USO1: variants seen among roughly 807,000 people sequenced by gnomAD.
The protein encoded by USO1 is general vesicular transport factor p115.
USO1 carries 57 observed loss-of-function variants against 124.5 expected under a neutral mutation model. That is an observed-to-expected ratio of 0.46 (90% CI 0.37 to 0.57). The LOEUF (loss-of-function observed/expected upper bound fraction) is 0.57, where lower values mean the gene tolerates loss of function less well. Among genes scored for constraint, USO1 ranks in the 20% least tolerant of loss-of-function variants. The pLI is 0.00. For synonymous variants in USO1, 369 were observed against 362.8 expected (o/e 1.02, Z -0.19); for missense variants, 900 against 1,040.6 (o/e 0.86, Z 1.86).
chr4:75,740,160 C>T (rs1306687548), intron 1 of USO1, among the ~76,000 whole-genome samples: 1 of 152,066 alleles, frequency 6.6e-6, no homozygotes, highest in East Asian at 1.9e-4. Flanking sequence ...ATAGTGACAC[C>T]TCATCTCTAA....
intron 8 of USO1, among the ~76,000 whole-genome samples, chr4:75,778,836 A>G (rs1722141869): frequency 3.9e-5 from 6 of 152,206 alleles, no homozygotes; most frequent in Admixed American, 3.9e-4. Context: ...TACCACATTA[A>G]TGCAATATAT....
At chr4:75,801,276 A>G in intron 17 of USO1, 76 bp downstream of exon 17, 1 of 1,427,546 alleles carries the variant, frequency 7.0e-7, no homozygotes, top group Non-Finnish European at 9.2e-7. Flanking sequence ...TTTTTTTCTG[A>G]CATTTCAAAT....
At chr4:75,783,724 TCC>T (rs1029308366) in intron 9 of USO1, among the ~76,000 whole-genome samples, 1 of 152,180 alleles carries the variant, frequency 6.6e-6, no homozygotes, top group African/African-American at 2.4e-5. Flanking sequence ...GTAATCTGTG[TCC>T]CAGTTTGCCA....
intron 1 of USO1, among the ~76,000 whole-genome samples, chr4:75,751,869 T>C (rs1721305864): frequency 6.6e-6 from 1 of 152,100 alleles, no homozygotes; most frequent in Admixed American, 6.5e-5. Context: ...CTATAAATTA[T>C]TTTATAATGA....
intron 1 of USO1, among the ~76,000 whole-genome samples, chr4:75,751,882 C>T (rs1372732359): frequency 2.0e-5 from 3 of 151,708 alleles, no homozygotes; most frequent in Non-Finnish European, 4.4e-5. Context: ...TATAATGAAG[C>T]GTTTCATCCT....
At chr4:75,753,610 C>T (rs1319303729) in intron 3 of USO1, among the ~76,000 whole-genome samples, 4 of 149,422 alleles carry the variant, frequency 2.7e-5, no homozygotes, top group African/African-American at 7.4e-5. Flanking sequence ...CCCAGCTTCT[C>T]GGGAGGCTGA....
chr4:75,763,389 C>T (rs1721677623), intron 4 of USO1, among the ~76,000 whole-genome samples: 1 of 152,178 alleles, frequency 6.6e-6, no homozygotes, highest in South Asian at 2.1e-4. Flanking sequence ...CAGTAAATTA[C>T]ATGAGATAAT....
chr4:75,759,600 A>G (rs865917362), intron 4 of USO1, among the ~76,000 whole-genome samples: 47 of 150,182 alleles, frequency 3.1e-4, no homozygotes, highest in African/African-American at 1.1e-3. Flanking sequence ...TCTCAAAAAA[A>G]AAAAGAAAAG....
rs779462764 is a variant in USO1 at position 75,805,186 on chromosome 4, G to A, written c.2172G>A (p.Met724Ile). ...HQGSYSEGAQ[M>I]NGIQPEEIGR... Reference sequence around the variant, plus strand: ...GTTCTTACAGTGAGGGGGCTCAGATGAATGGCATTCAGCCAGAAGAAATTG... The same window carrying A: ...GTTCTTACAGTGAGGGGGCTCAGATAAATGGCATTCAGCCAGAAGAAATTG... The change falls in exon 19 of 24, where the codon ATG becomes ATA. Residue 724 changes from methionine to isoleucine, a missense_variant. Met to Ile is a conservative substitution (Grantham distance 10). Coordinates refer to ENST00000514213, the MANE Select transcript of USO1 (RefSeq NM_003715.4). The A allele has an allele frequency of 6.2e-7, 1 of 1,612,204 alleles. No homozygotes were observed. Among genetic ancestry groups the A allele is most frequent in the Non-Finnish European group, 8.5e-7 (1 of 1,179,084 alleles).
chr4:75,787,364 T>C (rs1255260600), intron 10 of USO1, among the ~76,000 whole-genome samples, 162 bp downstream of exon 10: 1 of 152,200 alleles, frequency 6.6e-6, no homozygotes, highest in Non-Finnish European at 1.5e-5. Context: ...GATAAAAGTA[T>C]TGATTCCAAA....
intron 22 of USO1, 106 bp downstream of exon 22, chr4:75,810,645 G>A: frequency 7.8e-7 from 1 of 1,287,304 alleles, no homozygotes; most frequent in Non-Finnish European, 1.0e-6. Flanking sequence ...AGCTAATGAT[G>A]TGTAATTTTA....
intron 12 of USO1, 123 bp downstream of exon 12, chr4:75,790,920 AAAAC>A (rs1270551667): frequency 5.7e-6 from 7 of 1,224,932 alleles, no homozygotes; most frequent in Middle Eastern, 6.2e-4. Flanking sequence ...AGAAAAAAAA[AAAAC>A]AAAAACACCT....
intron 22 of USO1, among the ~76,000 whole-genome samples, chr4:75,810,990 A>G (rs573556025): frequency 1.0e-3 from 159 of 152,232 alleles, no homozygotes; most frequent in African/African-American, 3.7e-3. Flanking sequence ...TGGCCTCCCA[A>G]AGTGCTGGAA....
intron 17 of USO1, among the ~76,000 whole-genome samples, chr4:75,802,438 T>C (rs963496405): frequency 1.3e-5 from 2 of 152,198 alleles, no homozygotes; most frequent in African/African-American, 4.8e-5. Flanking sequence ...ATTGACACAA[T>C]TACTCTAATG....
intron 16 of USO1, 66 bp downstream of exon 16, chr4:75,800,865 T>C (rs1722827834): frequency 2.0e-6 from 3 of 1,536,640 alleles, no homozygotes; most frequent in Non-Finnish European, 2.6e-6. Context: ...ACATGTATAT[T>C]CTGGATGCAT....
chr4:75,796,409 C>T (rs1722682853), intron 13 of USO1, among the ~76,000 whole-genome samples: 1 of 142,834 alleles, frequency 7.0e-6, no homozygotes, highest in African/African-American at 2.5e-5. Context: ...GATCTTGGCT[C>T]ACCGCAACCT....
chr4:75,733,674 T>A (rs901476474), intron 1 of USO1, among the ~76,000 whole-genome samples: 1 of 152,168 alleles, frequency 6.6e-6, no homozygotes, highest in African/African-American at 2.4e-5. Flanking sequence ...GAGTTTTTGG[T>A]TTTTGCCTGT....
Position 75,724,847 on chromosome 4 carries a change from G to GT in USO1, c.28_29insT (p.Gly10ValfsTer19), listed in dbSNP as rs1560428760. 2 of 1,613,826 alleles carry GT rather than the reference G, an allele frequency of 1.2e-6. No individual in the cohort carries two copies. The highest frequency in any genetic ancestry group is 3.3e-5 in the Admixed American group (2 of 60,018). ...GAATTTCCTCCGCGGGGTAATGGGG[G>GT]GTCAGAGTGCCGGACCCCAGCACAC... On this transcript the variant is annotated frameshift_variant, in exon 1 of 24. Coordinates refer to ENST00000514213, the MANE Select transcript of USO1 (RefSeq NM_003715.4). LOFTEE classifies it high-confidence loss of function.
At chr4:75,799,860 T>A in intron 14 of USO1, 128 bp downstream of exon 14, 1 of 1,087,954 alleles carries the variant, frequency 9.2e-7, no homozygotes, top group Non-Finnish European at 1.3e-6. Context: ...TTGCAACTTT[T>A]TAAACTGTTA....
Sources: gnomAD v4.1 joint callset for allele counts (sites outside exome capture counted in the v4.1 genomes callset) on GRCh38, gnomAD v4.1.1 for gene constraint, MANE v1.5 for transcripts, NCBI Gene and HGNC (gene_info 2026-07-23, HGNC 2026-07-21) for gene names.